The following LPA variants were observed in gnomAD, a reference collection of about 807,000 sequenced individuals.
The protein encoded by LPA is apolipoprotein(a).
Under a neutral mutation model 197.9 loss-of-function variants are expected in LPA, and 199 were observed. The observed-to-expected ratio is 1.01, with a 90% CI of 0.90 to 1.13. The LOEUF is 1.13. Ranked by LOEUF, LPA falls within the 50% of genes most tolerant of loss-of-function variation. LPA has a pLI of 0.00. For missense variants in LPA, 1,853 were observed against 1,785.8 expected (o/e 1.04, Z -0.68); for synonymous variants, 715 against 639.5 (o/e 1.12, Z -1.78).
intron 16 of LPA, among the ~76,000 whole-genome samples, chr6:160,611,239 T>A (rs555492749): frequency 1.7e-4 from 26 of 152,274 alleles, no homozygotes; most frequent in Admixed American, 2.6e-4. Flanking sequence ...GAATTCCAAC[T>A]GGAAAGTCTT....
At chr6:160,650,233 A>G in intron 2 of LPA, 105 bp downstream of exon 2, 1 of 1,103,740 alleles carries the variant, frequency 9.1e-7, no homozygotes, top group South Asian at 1.2e-5. Flanking sequence ...CATGCATTCT[A>G]TGTGTGAGAA....
chr6:160,567,799 A>G (rs1160359296), intron 28 of LPA, among the ~76,000 whole-genome samples: 12 of 152,238 alleles, frequency 7.9e-5, no homozygotes, highest in African/African-American at 2.2e-4. Context: ...GCAATAAAAA[A>G]TGATAAAGGG....
chr6:160,565,846 A>G (rs1778443257), intron 28 of LPA, among the ~76,000 whole-genome samples: 2 of 152,230 alleles, frequency 1.3e-5, no homozygotes, highest in South Asian at 4.1e-4. Context: ...GATCTAATGG[A>G]GCTGAAAACC....
intron 2 of LPA, among the ~76,000 whole-genome samples, chr6:160,647,569 C>T (rs1302844316): frequency 2.6e-5 from 4 of 152,154 alleles, no homozygotes; most frequent in Non-Finnish European, 5.9e-5. Context: ...TCTTCCTTGG[C>T]TTCCCTCTTT....
chr6:160,663,128 C>T (rs371326815), intron 1 of LPA, among the ~76,000 whole-genome samples: 15 of 152,318 alleles, frequency 9.8e-5, no homozygotes, highest in East Asian at 5.8e-4. Context: ...TGAAGTAGTA[C>T]GGCAGGACTG....
At chr6:160,596,809 C>G (rs1029035563) in intron 20 of LPA, among the ~76,000 whole-genome samples, 1 of 152,088 alleles carries the variant, frequency 6.6e-6, no homozygotes, top group African/African-American at 2.4e-5. Flanking sequence ...TCTGTTTTTC[C>G]CTAAGAGCAT....
chr6:160,610,513 T>C (rs1465350935), intron 16 of LPA, among the ~76,000 whole-genome samples: 2 of 152,190 alleles, frequency 1.3e-5, no homozygotes, highest in Admixed American at 6.5e-5. Context: ...TTGAGCTTGC[T>C]GTTCTCTTGT....
chr6:160,576,355 TATATATATATAC>T (rs1251468869), intron 28 of LPA, among the ~76,000 whole-genome samples: 102 of 49,384 alleles, frequency 2.1e-3, no homozygotes, highest in African/African-American at 0.013. Flanking sequence ...TATATATATA[TATATATATATAC>T]ATATATATAT....
chr6:160,577,030 G>T, intron 28 of LPA, 106 bp downstream of exon 28: 1 of 1,409,446 alleles, frequency 7.1e-7, no homozygotes. Flanking sequence ...GCCAAAATGT[G>T]AGTCTAAGAG....
At chr6:160,579,066 A>G (rs531028115) in intron 26 of LPA, among the ~76,000 whole-genome samples, 6 of 152,218 alleles carry the variant, frequency 3.9e-5, no homozygotes, top group East Asian at 3.9e-4. Flanking sequence ...AGATTTTTTA[A>G]TGCACATACA....
In LPA at chr6:160,584,990, C is replaced by A. The variant is rs142597232; in HGVS notation, c.4289+56G>T. 2.9e-3 allele frequency: 4,565 copies of A among 1,586,118 alleles called. 11 individuals carry two copies. Among genetic ancestry groups the A allele is most frequent in the Non-Finnish European group, 3.6e-3 (4,116 of 1,156,404 alleles). On this transcript the variant is annotated intron_variant, in intron 26 of 38. Coordinates refer to ENST00000316300, the MANE Select transcript of LPA (RefSeq NM_005577.4). ...GAAGTGAGCTTGTAGCATGGGCCAG[C>A]TAAGAGAAATTTTAGTTGACTATTG...
chr6:160,576,627 CA>C (rs1387143455), intron 28 of LPA, among the ~76,000 whole-genome samples: 8 of 140,778 alleles, frequency 5.7e-5, no homozygotes, highest in African/African-American at 1.6e-4. Context: ...GTTTTATACA[CA>C]AGTATATAAA....
chr6:160,591,819 T>C (rs1779035321), intron 22 of LPA, among the ~76,000 whole-genome samples: 1 of 124,452 alleles, frequency 8.0e-6, no homozygotes, highest in Admixed American at 7.4e-5. Context: ...CTGAATGTCA[T>C]TGGTTTGGAC....
In LPA at chr6:160,589,547, A is replaced by G; in HGVS notation, c.3947+6T>C. 6.2e-7 allele frequency: 1 copy of G among 1,613,298 alleles called. No homozygotes were observed. The highest frequency in any genetic ancestry group is 8.5e-7 in the Non-Finnish European group (1 of 1,179,714). On this transcript the variant is annotated splice_donor_region_variant and intron_variant, in intron 24 of 38. Coordinates refer to ENST00000316300, the MANE Select transcript of LPA (RefSeq NM_005577.4). ...GTTTCTCTTGGGAGAAAACTCAAAG[A>G]CATACCCATTTGGGTAGTATTCTGT...
intron 18 of LPA, among the ~76,000 whole-genome samples, chr6:160,602,298 A>G (rs1363795599): frequency 3.3e-5 from 5 of 152,182 alleles, no homozygotes; most frequent in African/African-American, 4.8e-5. Context: ...TCAAAATTTT[A>G]TGATTGCTTT....
rs372624567 is a variant in LPA, at chr6:160,650,430, C to T, written c.117G>A (p.Thr39=). 7.3e-5 allele frequency: 117 copies of T among 1,613,794 alleles called. No homozygotes were observed. The highest frequency in any genetic ancestry group is 6.0e-4 in the East Asian group (27 of 44,862). The change falls in exon 2 of 39, where the codon ACG becomes ACA. Residue 39 remains threonine (T), a synonymous_variant. Coordinates refer to ENST00000316300, the MANE Select transcript of LPA (RefSeq NM_005577.4). ...YHGDGQSYRG[T]YSTTVTGRTC... Reference sequence around the variant, plus strand: ...TCCTTCCTGTGACAGTGGTGGAGTACGTGCCTCGATAACTCTGTCCATCAC... The same window carrying T: ...TCCTTCCTGTGACAGTGGTGGAGTATGTGCCTCGATAACTCTGTCCATCAC...
chr6:160,599,604 A>G lies in LPA; in HGVS notation c.3183T>C (p.Ser1061=), dbSNP rs1266216109. 1.2e-6 allele frequency: 2 copies of G among 1,613,916 alleles called. No individual in the cohort carries two copies. Among genetic ancestry groups the G allele is most frequent in the Non-Finnish European group, 1.7e-6 (2 of 1,179,968 alleles). Residue 1061 remains serine (S), a synonymous_variant, in exon 20 of 39, where the codon AGT becomes AGC. Transcript: ENST00000316300. ...VQDCYYHYGQ[S]YRGTYSTTVT... is the part of the protein sequence containing the mutation. The stretch of plus-strand genomic sequence containing the variant: ...CAGTGGTGGAGTATGTGCCTCGGTA[A>G]CTCTGTCCATAATGGTAGTAGCAGT...
intron 16 of LPA, among the ~76,000 whole-genome samples, chr6:160,608,198 T>C (rs929348198): frequency 3.3e-5 from 5 of 152,188 alleles, no homozygotes; most frequent in African/African-American, 4.8e-5. Flanking sequence ...AGTTCCCTTC[T>C]TGTACTATTC....
chr6:160,576,153 T>C (rs1233472869), intron 28 of LPA, among the ~76,000 whole-genome samples: 1 of 151,716 alleles, frequency 6.6e-6, no homozygotes, highest in Non-Finnish European at 1.5e-5. Flanking sequence ...CAAAAGGCTG[T>C]TATGCTTATA....
Sources: allele counts gnomAD v4.1 joint callset (sites outside exome capture counted in the v4.1 genomes callset), GRCh38; gene constraint gnomAD v4.1.1; transcripts MANE v1.5; gene names NCBI Gene and HGNC (gene_info 2026-07-23, HGNC 2026-07-21).